Variants in HECW2 observed in about 807,000 individuals in gnomAD.
The protein encoded by HECW2 is E3 ubiquitin-protein ligase HECW2.
In HECW2, 61 loss-of-function variants were observed where a neutral mutation model predicts 175.2. The observed-to-expected ratio is 0.35, with a 90% CI of 0.28 to 0.43. HECW2 has a LOEUF of 0.43. Among genes scored for constraint, HECW2 ranks in the 20% least tolerant of loss-of-function variants. The probability of loss-of-function intolerance (pLI) is 1.00; values close to 1 mark genes in which losing one functional copy is unlikely to be tolerated. For missense variants in HECW2, 1,524 were observed against 2,000.5 expected (o/e 0.76, Z 4.54); for synonymous variants, 671 against 731.0 (o/e 0.92, Z 1.32).
At chr2:196,496,347 T>C (rs1687393025) in intron 1 of HECW2, among the ~76,000 whole-genome samples, 1 of 152,118 alleles carries the variant, frequency 6.6e-6, no homozygotes, top group Non-Finnish European at 1.5e-5. Context: ...TTCTTTTTAC[T>C]AATCACAAAT....
intron 17 of HECW2, chr2:196,260,552 T>C (rs578053357): frequency 6.6e-6 from 1 of 152,244 alleles, no homozygotes; most frequent in Non-Finnish European, 1.5e-5. Context: ...TCTCATTTGA[T>C]GTGAAAATAT....
At chr2:196,423,684 T>TTGTGTGTGTGTGTGTGTGTGTGTGTG (rs60030164) in intron 2 of HECW2, among the ~76,000 whole-genome samples, 77 of 140,040 alleles carry the variant, frequency 5.5e-4, no homozygotes, top group Admixed American at 2.7e-3. Context: ...TAGTATTCCA[T>TTGTGTGTGTGTGTGTGTGTGTGTGTG]TGTGTGTGTG....
intron 21 of HECW2, among the ~76,000 whole-genome samples, chr2:196,232,253 C>A (rs920344815): frequency 1.3e-5 from 2 of 152,182 alleles, no homozygotes; most frequent in African/African-American, 4.8e-5. Flanking sequence ...CTGTGGCATT[C>A]AGTTAGAAGT....
chr2:196,403,865 T>C (rs571702326), intron 2 of HECW2, among the ~76,000 whole-genome samples: 1 of 152,210 alleles, frequency 6.6e-6, no homozygotes, highest in Non-Finnish European at 1.5e-5. Context: ...GCCAGACACT[T>C]CTTCAAGTAT....
At chr2:196,242,425 T>C (rs1688491750) in intron 19 of HECW2, 1 of 545,546 alleles carries the variant, frequency 1.8e-6, no homozygotes, top group Admixed American at 3.3e-5. Context: ...AAAAATTCTG[T>C]TTGAATAGTT....
intron 15 of HECW2, among the ~76,000 whole-genome samples, chr2:196,275,520 A>G (rs776138622): frequency 8.5e-5 from 13 of 152,164 alleles, no homozygotes; most frequent in South Asian, 4.1e-4. Context: ...TTGGGTGGCC[A>G]AGGCGGGCGG....
chr2:196,531,245 T>C (rs1294786292), intron 1 of HECW2, among the ~76,000 whole-genome samples: 2 of 152,232 alleles, frequency 1.3e-5, no homozygotes, highest in Admixed American at 6.5e-5. Flanking sequence ...TGCTGACTAA[T>C]TCCAAACTAT....
At chr2:196,235,828 T>TG (rs982728035) in intron 21 of HECW2, among the ~76,000 whole-genome samples, 2 of 151,772 alleles carry the variant, frequency 1.3e-5, no homozygotes, top group African/African-American at 4.8e-5. Context: ...GGCTAATTTT[T>TG]TTTGTATTTT....
chr2:196,491,483 TATACACATATATATATATAC>T (rs934595796), intron 1 of HECW2, among the ~76,000 whole-genome samples: 1 of 130,686 alleles, frequency 7.7e-6, no homozygotes, highest in Admixed American at 7.3e-5. Flanking sequence ...TATATATATA[TATACACATATATATATATAC>T]ACACACACAC....
At chr2:196,316,482 G>A (rs1043982221) in intron 10 of HECW2, 2 of 152,186 alleles carry the variant, frequency 1.3e-5, no homozygotes, top group African/African-American at 4.8e-5. Context: ...AGGCAAAAGG[G>A]TATACCTTCC....
intron 1 of HECW2, among the ~76,000 whole-genome samples, chr2:196,500,973 G>T (rs1047356502): frequency 6.6e-6 from 1 of 151,996 alleles, no homozygotes; most frequent in Non-Finnish European, 1.5e-5. Flanking sequence ...TTATTTTCCC[G>T]CTTTAAATCA....
intron 14 of HECW2, among the ~76,000 whole-genome samples, chr2:196,284,233 C>T (rs567271767): frequency 2.0e-5 from 3 of 152,332 alleles, no homozygotes; most frequent in African/African-American, 7.2e-5. Flanking sequence ...AGACAGCATG[C>T]TCTACATACT....
intron 28 of HECW2, among the ~76,000 whole-genome samples, chr2:196,202,725 C>T (rs1575212303): frequency 6.6e-6 from 1 of 152,204 alleles, no homozygotes; most frequent in East Asian, 1.9e-4. Context: ...GGTGTGTGGC[C>T]ACATGGCTTA....
In HECW2 at chr2:196,325,048, C is replaced by T; in HGVS notation, c.673G>A (p.Ala225Thr). ...PGKKSSFPTC[A>T]HHGQERRSTI... is the part of the protein sequence containing the mutation. ...GACCGTCTCTCCTGCCCGTGGTGGG[C>T]ACAGGTGGGGAAACTGCTCTTCTTT... The change falls in exon 6 of 29, where the codon GCC (alanine) becomes ACC (threonine). Residue 225 changes from alanine to threonine, a missense_variant. By Grantham distance (58) the Ala-to-Thr change is moderately conservative (BLOSUM62 0). Transcript: ENST00000644978. 6.2e-7 allele frequency: 1 copy of T among 1,611,886 alleles called. No homozygotes were observed. Among genetic ancestry groups the T allele is most frequent in the Non-Finnish European group, 8.5e-7 (1 of 1,179,172 alleles).
At chr2:196,229,145 G>T (rs1441199127) in intron 21 of HECW2, among the ~76,000 whole-genome samples, 1 of 152,148 alleles carries the variant, frequency 6.6e-6, no homozygotes, top group Non-Finnish European at 1.5e-5. Context: ...ATACACGTGG[G>T]CTCAAAGATA....
At chr2:196,534,400 C>T (rs1166940155) in intron 1 of HECW2, among the ~76,000 whole-genome samples, 2 of 152,114 alleles carry the variant, frequency 1.3e-5, no homozygotes, top group African/African-American at 4.8e-5. Flanking sequence ...TTAGTAGCAA[C>T]GTACTCTGAG....
At chr2:196,549,917 G>C (rs1010218740) in intron 1 of HECW2, among the ~76,000 whole-genome samples, 1 of 152,162 alleles carries the variant, frequency 6.6e-6, no homozygotes, top group African/African-American at 2.4e-5. Context: ...TGTGTAAATG[G>C]CAAGGTAAAG....
intron 24 of HECW2, 122 bp from the exon 25 acceptor site, chr2:196,221,063 C>A (rs974887068): frequency 1.9e-6 from 2 of 1,045,066 alleles, no homozygotes; most frequent in Non-Finnish European, 2.8e-6. Flanking sequence ...GCACATCCCA[C>A]AAGCTGGCAG....
At chr2:196,257,306 G>C (rs1205743138) in intron 18 of HECW2, among the ~76,000 whole-genome samples, 1 of 152,158 alleles carries the variant, frequency 6.6e-6, no homozygotes, top group Non-Finnish European at 1.5e-5. Flanking sequence ...TAATTGGTCA[G>C]TTTTATGAAG....
Sources: allele counts gnomAD v4.1 joint callset (sites outside exome capture counted in the v4.1 genomes callset), GRCh38; gene constraint gnomAD v4.1.1; transcripts MANE v1.5; gene names NCBI Gene and HGNC (gene_info 2026-07-23, HGNC 2026-07-21).